GRM8: variants seen among roughly 807,000 people sequenced by gnomAD.
GRM8 encodes glutamate metabotropic receptor 8.
Under a neutral mutation model 87.2 loss-of-function variants are expected in GRM8, and 47 were observed. That is an observed-to-expected ratio of 0.54 (90% CI 0.43 to 0.69). The LOEUF is 0.69. Ranked by LOEUF, GRM8 falls within the 30% of genes least tolerant of loss-of-function variation. The pLI is 0.00. For missense variants in GRM8, 1,019 were observed against 1,139.2 expected (o/e 0.89, Z 1.52); for synonymous variants, 396 against 404.5 (o/e 0.98, Z 0.25).
intron 3 of GRM8, among the ~76,000 whole-genome samples, chr7:127,095,437 A>G (rs1018341646): frequency 6.6e-6 from 1 of 152,234 alleles, no homozygotes; most frequent in African/African-American, 2.4e-5. Flanking sequence ...GTAAAGCCAC[A>G]CACTGATTGC....
At chr7:126,616,426 C>A (rs933770755) in intron 7 of GRM8, among the ~76,000 whole-genome samples, 10 of 152,134 alleles carry the variant, frequency 6.6e-5, no homozygotes, top group East Asian at 1.9e-4. Flanking sequence ...GAAAGCAGGA[C>A]AGATCTAAAA....
chr7:126,658,942 C>T (rs1431246151), intron 7 of GRM8, among the ~76,000 whole-genome samples: 1 of 152,010 alleles, frequency 6.6e-6, no homozygotes, highest in African/African-American at 2.4e-5. Context: ...GCAGCCTTGA[C>T]AAGCGGCCGC....
Position 126,882,780 on chromosome 7 carries a change from C to T in GRM8, c.1156+19762G>A, listed in dbSNP as rs1347491895. 2.0e-5 allele frequency among the ~76,000 whole-genome samples: 3 copies of T among 151,918 alleles called. No homozygotes were observed. The East Asian group carries it at 5.8e-4, about 29-fold the overall frequency. On this transcript the variant is annotated intron_variant, in intron 6 of 10. Transcript: ENST00000339582. ...ATGTTTGTTGTGGCCACATTTGGAG[C>T]CATCAAAATTTCCTACTCAGGCATC...
intron 3 of GRM8, among the ~76,000 whole-genome samples, chr7:126,929,905 C>T (rs1805585374): frequency 2.1e-5 from 2 of 97,200 alleles, no homozygotes; most frequent in South Asian, 3.5e-4. Context: ...TTAAGGAGGA[C>T]CTAAGGGACA....
intron 9 of GRM8, among the ~76,000 whole-genome samples, chr7:126,502,423 G>C (rs1304278763): frequency 6.6e-6 from 1 of 152,032 alleles, no homozygotes; most frequent in African/African-American, 2.4e-5. Flanking sequence ...GTTACAGATA[G>C]ATCCGATTGC....
At chr7:126,628,266 C>T (rs577651699) in intron 7 of GRM8, among the ~76,000 whole-genome samples, 21 of 151,956 alleles carry the variant, frequency 1.4e-4, no homozygotes, top group Admixed American at 6.6e-5. Context: ...AGGATGGTCT[C>T]GATCTCCTGA....
chr7:126,980,740 C>A (rs1290671981), intron 3 of GRM8, among the ~76,000 whole-genome samples: 1 of 152,184 alleles, frequency 6.6e-6, no homozygotes, highest in Admixed American at 6.6e-5. Flanking sequence ...TATTACCTTT[C>A]TTTCATTCCC....
chr7:126,815,017 A>G (rs1370473553), intron 6 of GRM8, among the ~76,000 whole-genome samples: 3 of 152,134 alleles, frequency 2.0e-5, no homozygotes, highest in South Asian at 2.1e-4. Flanking sequence ...ATCAGACTCT[A>G]TATAATTCTA....
intron 3 of GRM8, among the ~76,000 whole-genome samples, chr7:126,972,021 G>T (rs1471859881): frequency 6.6e-6 from 1 of 152,118 alleles, no homozygotes; most frequent in East Asian, 1.9e-4. Flanking sequence ...GTAGAGACAG[G>T]GTCTGCAGGT....
intron 8 of GRM8, among the ~76,000 whole-genome samples, chr7:126,545,303 G>A (rs1817022248): frequency 2.0e-5 from 3 of 152,090 alleles, no homozygotes; most frequent in Admixed American, 2.0e-4. Context: ...AAATATGCAG[G>A]GCACATATGG....
chr7:126,614,873 G>A (rs146111751), intron 7 of GRM8, among the ~76,000 whole-genome samples: 1,617 of 152,316 alleles, frequency 0.011, 23 homozygotes, highest in African/African-American at 0.037. Flanking sequence ...ACGGGACTAT[G>A]TGAAAAGACC....
chr7:127,161,748 G>C (rs1031135352), intron 2 of GRM8, among the ~76,000 whole-genome samples: 1 of 151,802 alleles, frequency 6.6e-6, no homozygotes, highest in Non-Finnish European at 1.5e-5. Flanking sequence ...TGACAAACAA[G>C]ATTCAAAGGG....
intron 2 of GRM8, among the ~76,000 whole-genome samples, chr7:127,158,302 G>A (rs1241206956): frequency 1.3e-5 from 2 of 152,078 alleles, no homozygotes; most frequent in South Asian, 4.2e-4. Context: ...AATCTGAAAG[G>A]CCAGCCACAA....
At chr7:127,221,739 T>C (rs552005791) in intron 2 of GRM8, among the ~76,000 whole-genome samples, 1 of 152,306 alleles carries the variant, frequency 6.6e-6, no homozygotes, top group East Asian at 1.9e-4. Context: ...CAAGCAAGTA[T>C]ACTGGTCCAG....
intron 2 of GRM8, among the ~76,000 whole-genome samples, chr7:127,241,437 CT>C (rs11291980): frequency 0.28 from 36,610 of 132,556 alleles, 4,531 homozygotes; most frequent in African/African-American, 0.39. Flanking sequence ...TTTTTTTTTT[CT>C]TTTTTTTTTT....
At chr7:126,982,029 G>A (rs776312471) in intron 3 of GRM8, among the ~76,000 whole-genome samples, 6 of 151,994 alleles carry the variant, frequency 3.9e-5, no homozygotes, top group Non-Finnish European at 7.4e-5. Context: ...TTATTAAGTA[G>A]TATTAACTCA....
intron 3 of GRM8, among the ~76,000 whole-genome samples, chr7:126,999,130 T>A (rs1813468057): frequency 6.6e-6 from 1 of 151,498 alleles, no homozygotes; most frequent in Non-Finnish European, 1.5e-5. Flanking sequence ...GCCAAGAACA[T>A]ATATTGGAGA....
intron 6 of GRM8, among the ~76,000 whole-genome samples, chr7:126,851,993 G>A (rs1326305613): frequency 1.3e-5 from 2 of 152,180 alleles, no homozygotes; most frequent in African/African-American, 2.4e-5. Flanking sequence ...GCCAGAGAGA[G>A]TAGATACTGA....
intron 6 of GRM8, among the ~76,000 whole-genome samples, chr7:126,806,727 A>G (rs6948407): frequency 0.95 from 144,708 of 152,358 alleles, 68,782 homozygotes; most frequent in East Asian, 1. Context: ...GCACCTAGCC[A>G]GCCACTCTGG....
Sources: allele counts gnomAD v4.1 joint callset (sites outside exome capture counted in the v4.1 genomes callset), GRCh38; gene constraint gnomAD v4.1.1; transcripts MANE v1.5; gene names NCBI Gene and HGNC (gene_info 2026-07-23, HGNC 2026-07-21).